GPHN: variants seen among roughly 807,000 people sequenced by gnomAD.
GPHN encodes gephyrin.
In GPHN, 17 loss-of-function variants were observed where a neutral mutation model predicts 95.5. The ratio of observed to expected loss-of-function variants is 0.18; its 90% CI spans 0.12 to 0.27. The LOEUF is 0.27. Among genes scored for constraint, GPHN ranks in the 10% least tolerant of loss-of-function variants. The pLI is 1.00. For synonymous variants in GPHN, 320 were observed against 322.5 expected (o/e 0.99, Z 0.08); for missense variants, 660 against 978.1 (o/e 0.67, Z 4.34).
chr14:67,478,022 T>C, the GPHN span, among the ~76,000 whole-genome samples: 1 of 152,208 alleles, frequency 6.6e-6, no homozygotes, highest in Admixed American at 6.5e-5. Flanking sequence ...AAGAGAAGAA[T>C]AAAGACATTT....
the GPHN span, among the ~76,000 whole-genome samples, chr14:67,421,286 CTGGGCA>C: frequency 9.2e-5 from 14 of 152,138 alleles, no homozygotes; most frequent in Non-Finnish European, 1.5e-5. Flanking sequence ...TAGAAAGCAC[CTGGGCA>C]TGGTAAATCC....
At chr14:66,927,412 C>A (rs527919714) in intron 8 of GPHN, among the ~76,000 whole-genome samples, 1 of 150,986 alleles carries the variant, frequency 6.6e-6, no homozygotes, top group African/African-American at 2.4e-5. Context: ...TGCCACTTTA[C>A]TGAATTTGCT....
chr14:67,351,187 G>A, the GPHN span, among the ~76,000 whole-genome samples: 2 of 152,164 alleles, frequency 1.3e-5, no homozygotes, highest in Admixed American at 1.3e-4. Flanking sequence ...AATATATCTG[G>A]TTTGGGACAG....
chr14:66,679,436 A>T (rs927587649), intron 1 of GPHN, among the ~76,000 whole-genome samples: 3 of 151,876 alleles, frequency 2.0e-5, no homozygotes, highest in African/African-American at 7.3e-5. Flanking sequence ...CACCTTTGCC[A>T]GTGTGGTGTT....
chr14:66,559,694 G>C, intron 1 of GPHN, among the ~76,000 whole-genome samples: 1 of 151,276 alleles, frequency 6.6e-6, no homozygotes, highest in Non-Finnish European at 1.5e-5. Context: ...TAGGTTGCCT[G>C]TTCACTCTGA....
intron 2 of GPHN, among the ~76,000 whole-genome samples, chr14:66,706,965 A>G (rs1305597586): frequency 6.6e-6 from 1 of 152,156 alleles, no homozygotes. Context: ...CAGATTTACC[A>G]GAAACATACA....
At chr14:66,983,635 T>C (rs1490256222) in intron 9 of GPHN, among the ~76,000 whole-genome samples, 1 of 152,210 alleles carries the variant, frequency 6.6e-6, no homozygotes. Context: ...AAATCAAGCA[T>C]TGATGAGTGG....
At chr14:67,632,770 T>G in the GPHN span, among the ~76,000 whole-genome samples, 1 of 146,840 alleles carries the variant, frequency 6.8e-6, no homozygotes, top group Non-Finnish European at 1.5e-5. Context: ...AAGGGAGGTC[T>G]CTTTCTTTAT....
chr14:67,193,954 C>CAAAAAAAAACCAAA, the GPHN span, among the ~76,000 whole-genome samples: 1 of 85,760 alleles, frequency 1.2e-5, no homozygotes, highest in African/African-American at 4.2e-5. Flanking sequence ...CAAAAAAAAA[C>CAAAAAAAAACCAAA]AAAAAAAAAA....
the GPHN span, chr14:67,387,353 A>G: frequency 7.4e-4 from 1,186 of 1,611,260 alleles, 1 homozygote; most frequent in Non-Finnish European, 9.4e-4. Context: ...TGATAGCTTC[A>G]ATCCACTCGG....
At chr14:67,605,464 C>T in the GPHN span, among the ~76,000 whole-genome samples, 1 of 152,160 alleles carries the variant, frequency 6.6e-6, no homozygotes, top group South Asian at 2.1e-4. Context: ...TCAAGGTATT[C>T]TCCCACCTTG....
At chr14:67,524,551 C>T in the GPHN span, among the ~76,000 whole-genome samples, 1 of 152,076 alleles carries the variant, frequency 6.6e-6, no homozygotes, top group African/African-American at 2.4e-5. Flanking sequence ...ACCAATGGAC[C>T]ACACCCAGCT....
chr14:66,818,494 G>A (rs981403741), intron 3 of GPHN, among the ~76,000 whole-genome samples: 3 of 152,120 alleles, frequency 2.0e-5, no homozygotes, highest in Non-Finnish European at 1.5e-5. Flanking sequence ...TCTTTATTCA[G>A]TCTGTCATTG....
chr14:66,555,394 GT>G (rs1318378365), intron 1 of GPHN, among the ~76,000 whole-genome samples: 2 of 152,110 alleles, frequency 1.3e-5, no homozygotes, highest in African/African-American at 2.4e-5. Flanking sequence ...GATGTCTACA[GT>G]TTATCACTGT....
chr14:67,169,166 C>T (rs1487998562), intron 21 of GPHN, 130 bp downstream of exon 21: 2 of 699,752 alleles, frequency 2.9e-6, no homozygotes, highest in African/African-American at 1.8e-5. Flanking sequence ...TTATATTCTC[C>T]CCCTGTGTAC....
At chr14:66,634,612 C>T (rs958053191) in intron 1 of GPHN, among the ~76,000 whole-genome samples, 25 of 152,052 alleles carry the variant, frequency 1.6e-4, no homozygotes, top group African/African-American at 5.8e-4. Context: ...CATCCCTGGG[C>T]CGGGCTACAC....
At chr14:67,666,057 C>G in the GPHN span, among the ~76,000 whole-genome samples, 1 of 152,086 alleles carries the variant, frequency 6.6e-6, no homozygotes, top group African/African-American at 2.4e-5. Context: ...TAAGCTGTCC[C>G]AAAAGTGCTG....
rs1224187161 is a variant in GPHN, at chr14:66,984,132, G to A, written c.963+18807G>A. Among the ~76,000 whole-genome samples the A allele has an allele frequency of 2.0e-5, 3 of 152,224 alleles. No individual in the cohort carries two copies. In the East Asian group the frequency reaches 5.8e-4, roughly 29 times the overall value. On this transcript the variant is annotated intron_variant, in intron 9 of 22. Transcript: ENST00000478722. ...TCTTCACAGTTTCTGAAAATTTTCA[G>A]AAAGCCTCATGAGGCATCAGACTCT...
chr14:66,543,049 G>A (rs1013948434), intron 1 of GPHN, among the ~76,000 whole-genome samples: 4 of 152,096 alleles, frequency 2.6e-5, no homozygotes, highest in African/African-American at 9.7e-5. Flanking sequence ...GAGAGAGTGG[G>A]GGGAGATGGT....
Sources: allele counts gnomAD v4.1 joint callset (sites outside exome capture counted in the v4.1 genomes callset), GRCh38; gene constraint gnomAD v4.1.1; transcripts MANE v1.5; gene names NCBI Gene and HGNC (gene_info 2026-07-23, HGNC 2026-07-21).